The following ARHGAP28 variants were observed in gnomAD, a reference collection of about 807,000 sequenced individuals.
The protein encoded by ARHGAP28 is rho GTPase-activating protein 28.
In ARHGAP28, 56 loss-of-function variants were observed where a neutral mutation model predicts 90.7. The ratio of observed to expected loss-of-function variants is 0.62; its 90% CI spans 0.50 to 0.77. ARHGAP28 has a LOEUF of 0.77. Among genes scored for constraint, ARHGAP28 ranks in the 30% least tolerant of loss-of-function variants. The pLI is 0.00. For missense variants in ARHGAP28, 869 were observed against 900.9 expected (o/e 0.96, Z 0.45); for synonymous variants, 308 against 323.3 (o/e 0.95, Z 0.51).
At chr18:6,768,368 C>T (rs1567940927) in intron 1 of ARHGAP28, among the ~76,000 whole-genome samples, 1 of 152,044 alleles carries the variant, frequency 6.6e-6, no homozygotes, top group Non-Finnish European at 1.5e-5. Context: ...TTGTTCAGTG[C>T]AAGGTTTTAT....
intron 1 of ARHGAP28, among the ~76,000 whole-genome samples, chr18:6,772,850 C>T (rs958232235): frequency 1.3e-5 from 2 of 152,082 alleles, no homozygotes; most frequent in African/African-American, 4.8e-5. Flanking sequence ...AAGCAATTCT[C>T]CTGCCTCAGC....
intron 1 of ARHGAP28, among the ~76,000 whole-genome samples, chr18:6,798,474 G>A (rs1386394897): frequency 6.6e-6 from 1 of 152,214 alleles, no homozygotes; most frequent in Admixed American, 6.5e-5. Context: ...AATTACAGGT[G>A]TGAGCCCGCC....
At chr18:6,795,277 G>A (rs1483500008) in intron 1 of ARHGAP28, among the ~76,000 whole-genome samples, 1 of 152,064 alleles carries the variant, frequency 6.6e-6, no homozygotes, top group South Asian at 2.1e-4. Flanking sequence ...AGAGCTGGAG[G>A]GGTCCCTGCG....
chr18:6,907,548 A>C (rs1462843226), intron 16 of ARHGAP28, among the ~76,000 whole-genome samples: 1 of 152,168 alleles, frequency 6.6e-6, no homozygotes, highest in Non-Finnish European at 1.5e-5. Context: ...AGGCAATACA[A>C]AAATGTTTCA....
At chr18:6,896,943 G>A (rs966063718) in intron 16 of ARHGAP28, 5 of 182,006 alleles carry the variant, frequency 2.7e-5, no homozygotes, top group Middle Eastern at 2.4e-3. Flanking sequence ...ATGGAGTTTC[G>A]CTCTTTTTGC....
At chr18:6,802,402 G>C (rs910024584) in intron 1 of ARHGAP28, among the ~76,000 whole-genome samples, 4 of 131,924 alleles carry the variant, frequency 3.0e-5, no homozygotes, top group Non-Finnish European at 4.7e-5. Flanking sequence ...CTGGAGTGCA[G>C]TGGCGAAATC....
intron 1 of ARHGAP28, among the ~76,000 whole-genome samples, chr18:6,758,409 T>C (rs138307870): frequency 0.016 from 2,452 of 152,204 alleles, 65 homozygotes; most frequent in African/African-American, 0.056. Context: ...CTGAAACTTC[T>C]GCCTCCCGAG....
chr18:6,819,664 G>C (rs564052932), intron 1 of ARHGAP28, among the ~76,000 whole-genome samples: 12 of 152,254 alleles, frequency 7.9e-5, no homozygotes, highest in African/African-American at 2.6e-4. Flanking sequence ...TGGGATTTTT[G>C]CTGGGAGCCC....
chr18:6,898,645 T>TAA, intron 16 of ARHGAP28: 2 of 1,514,114 alleles, frequency 1.3e-6, no homozygotes, highest in Non-Finnish European at 1.8e-6. Context: ...TTACATATAC[T>TAA]ACAAAACTGA....
chr18:6,819,771 G>A (rs1270397069), intron 1 of ARHGAP28, among the ~76,000 whole-genome samples: 1 of 152,216 alleles, frequency 6.6e-6, no homozygotes, highest in Non-Finnish European at 1.5e-5. Flanking sequence ...GCTTTTAGCA[G>A]GAGGGACCTA....
chr18:6,788,126 T>C (rs1485058011), intron 1 of ARHGAP28, among the ~76,000 whole-genome samples: 1 of 152,050 alleles, frequency 6.6e-6, no homozygotes, highest in African/African-American at 2.4e-5. Flanking sequence ...TGAGGGGTGA[T>C]TGGATTGTGG....
At chr18:6,786,643 G>T (rs1002675514) in intron 1 of ARHGAP28, among the ~76,000 whole-genome samples, 2 of 152,134 alleles carry the variant, frequency 1.3e-5, no homozygotes, top group Non-Finnish European at 2.9e-5. Flanking sequence ...ATCCCTGAAA[G>T]AATGATATAA....
At chr18:6,876,836 A>G (rs980347638) in intron 10 of ARHGAP28, among the ~76,000 whole-genome samples, 2 of 152,190 alleles carry the variant, frequency 1.3e-5, no homozygotes, top group Non-Finnish European at 2.9e-5. Context: ...TTGCTTTCTT[A>G]CTTCCATGAG....
chr18:6,908,818 A>G (rs755628121), intron 16 of ARHGAP28, 142 bp from the exon 17 acceptor site: 18 of 624,842 alleles, frequency 2.9e-5, no homozygotes, highest in Non-Finnish European at 5.2e-5. Context: ...TATTTTTATC[A>G]TAACTTCAGT....
rs1269222028 is a variant in ARHGAP28, at chr18:6,912,146, A to C, written c.2182A>C (p.Ser728Arg). The C allele has an allele frequency of 6.4e-7, 1 of 1,573,060 alleles. No homozygotes were observed. The highest frequency in any genetic ancestry group is 1.1e-5 in the South Asian group (1 of 88,510). Reference protein sequence around the residue: ...QAEWVIKPQQSS With the variant: ...QAEWVIKPQQRS ...AGAATGGGTGATTAAACCCCAACAA[A>C]GTTCTTAAAATATCCTCGAGAGAGC... The change falls in exon 18 of 18, where the codon AGT (serine) becomes CGT (arginine). Residue 728 changes from serine (S) to arginine (R), a missense_variant. Transcript: ENST00000383472.
intron 1 of ARHGAP28, among the ~76,000 whole-genome samples, chr18:6,822,957 T>C (rs1409536052): frequency 6.6e-6 from 1 of 152,260 alleles, no homozygotes; most frequent in Admixed American, 6.5e-5. Flanking sequence ...AATCCGCTGC[T>C]GCTCAGCATG....
chr18:6,882,226 A>G lies in ARHGAP28; in HGVS notation c.1380A>G (p.Lys460=), dbSNP rs78768867. Reference sequence around the variant, plus strand: ...ATAGAGAAGCTGCAGTAATGTTGAAAGCGTTTTTCAGAGAACTACCCACCT... The same window carrying G: ...ATAGAGAAGCTGCAGTAATGTTGAAGGCGTTTTTCAGAGAACTACCCACCT... ...MCHREAAVML[K]AFFRELPTSL... The change falls in exon 11 of 18, where the codon AAA becomes AAG. Residue 460 remains lysine (K), a synonymous_variant. Coordinates refer to ENST00000383472, the MANE Select transcript of ARHGAP28 (RefSeq NM_001366230.1). 159 of 1,614,132 alleles carry G rather than the reference A, an allele frequency of 9.9e-5. No individual in the cohort carries two copies. The African/African-American group carries it at 1.7e-3, about 17-fold the overall frequency.
chr18:6,801,060 A>G (rs985750819), intron 1 of ARHGAP28, among the ~76,000 whole-genome samples: 2 of 152,334 alleles, frequency 1.3e-5, no homozygotes, highest in Admixed American at 6.5e-5. Context: ...TCTTTCAAAT[A>G]TACCTAAGCC....
chr18:6,730,226 T>TATATATATATATATATATATATATAA (rs2055868139), intron 1 of ARHGAP28: 1 of 204,764 alleles, frequency 4.9e-6, no homozygotes, highest in African/African-American at 2.4e-5. Context: ...CATGTGTATA[T>TATATATATATATATATATATATATAA]ATATATATAT....
Sources: allele counts gnomAD v4.1 joint callset (sites outside exome capture counted in the v4.1 genomes callset), GRCh38; gene constraint gnomAD v4.1.1; transcripts MANE v1.5; gene names NCBI Gene and HGNC (gene_info 2026-07-23, HGNC 2026-07-21).